VPS37C: variants seen among roughly 807,000 people sequenced by gnomAD.
VPS37C encodes VPS37C subunit of ESCRT-I.
Under a neutral mutation model 16.1 loss-of-function variants are expected in VPS37C, and 9 were observed. The ratio of observed to expected loss-of-function variants is 0.56; its 90% CI spans 0.34 to 0.97. The LOEUF (loss-of-function observed/expected upper bound fraction) is 0.97, where lower values mean the gene tolerates loss of function less well. VPS37C is among the 50% of genes least tolerant of loss of function. The probability of loss-of-function intolerance (pLI) is 0.02; values close to 1 mark genes in which losing one functional copy is unlikely to be tolerated. For missense variants in VPS37C, 479 were observed against 472.7 expected (o/e 1.01, Z -0.12); for synonymous variants, 207 against 206.4 (o/e 1.00, Z -0.02).
chr11:61,150,504 T>C (rs1196904023), intron 1 of VPS37C, among the ~76,000 whole-genome samples: 3 of 151,254 alleles, frequency 2.0e-5, no homozygotes, highest in African/African-American at 7.3e-5. Flanking sequence ...CCTCTGCCCA[T>C]TTGCCCAGTT....
intron 1 of VPS37C, among the ~76,000 whole-genome samples, chr11:61,147,116 T>C (rs1403231143): frequency 6.6e-6 from 1 of 152,148 alleles, no homozygotes; most frequent in Non-Finnish European, 1.5e-5. Context: ...GTGACCTGAA[T>C]TGATGCCATA....
At chr11:61,140,386 C>A (rs930545605) in intron 1 of VPS37C, among the ~76,000 whole-genome samples, 1 of 151,982 alleles carries the variant, frequency 6.6e-6, no homozygotes, top group Non-Finnish European at 1.5e-5. Flanking sequence ...ACCCTCCCCC[C>A]ACCCACTCAA....
chr11:61,159,894 T>G lies in VPS37C; in HGVS notation c.-7+1497A>C, dbSNP rs1590797714. Among the ~76,000 whole-genome samples the G allele has an allele frequency of 5.7e-5, 4 of 69,930 alleles. No individual in the cohort carries two copies. The Admixed American group carries it at 7.7e-4, about 13-fold the overall frequency. The allele number at this position is 69,930 out of a possible 152,430, so 45.9% of individuals were successfully genotyped here. On this transcript the variant is annotated intron_variant, in intron 1 of 4. Coordinates refer to ENST00000301765, the MANE Select transcript of VPS37C (RefSeq NM_017966.5). ...TCCAGCCTGGGCGACAGATCAAGAC[T>G]CCGTCTCAAAAAAAAAAAAAAAAAA...
chr11:61,147,997 T>C (rs1427535122), intron 1 of VPS37C, among the ~76,000 whole-genome samples: 3 of 152,170 alleles, frequency 2.0e-5, no homozygotes, highest in Non-Finnish European at 2.9e-5. Flanking sequence ...ATGATGATAA[T>C]CCCACCTTAG....
Position 61,147,392 on chromosome 11 carries a change from T to A in VPS37C, c.-6-8557A>T, listed in dbSNP as rs922272570. ...GTCTCAACTTCTTTCCATTACTTTA[T>A]ATCTTGACTAAATCGATCCCACAGG... On this transcript the variant is annotated intron_variant, in intron 1 of 4. Coordinates refer to ENST00000301765, the MANE Select transcript of VPS37C (RefSeq NM_017966.5). Among the ~76,000 whole-genome samples the A allele has an allele frequency of 1.3e-5, 2 of 152,156 alleles. 1 individual carries two copies. Among genetic ancestry groups the A allele is most frequent in the South Asian group, 4.1e-4 (2 of 4,834 alleles).
chr11:61,142,503 G>C (rs1861488980), intron 1 of VPS37C, among the ~76,000 whole-genome samples: 1 of 152,000 alleles, frequency 6.6e-6, no homozygotes, highest in Non-Finnish European at 1.5e-5. Context: ...CAAAGTGCTG[G>C]GATAACAGGT....
chr11:61,138,943 A>C, intron 1 of VPS37C, 108 bp from the exon 2 acceptor site: 1 of 1,002,098 alleles, frequency 1.0e-6, no homozygotes, highest in South Asian at 1.3e-5. Context: ...TCCTGCGATA[A>C]TACCACTCCA....
chr11:61,138,393 G>A (rs1861418198), intron 2 of VPS37C: 3 of 230,898 alleles, frequency 1.3e-5, no homozygotes, highest in Non-Finnish European at 2.6e-5. Flanking sequence ...GTCACCTGGA[G>A]ATATGGGATC....
intron 1 of VPS37C, among the ~76,000 whole-genome samples, chr11:61,140,522 C>T (rs1444789153): frequency 6.6e-6 from 1 of 152,208 alleles, no homozygotes; most frequent in African/African-American, 2.4e-5. Flanking sequence ...CAGGGATTGC[C>T]AAACTTCAGT....
chr11:61,142,690 G>A lies in VPS37C; in HGVS notation c.-6-3855C>T, dbSNP rs188160793. Among the ~76,000 whole-genome samples the A allele has an allele frequency of 2.7e-3, 408 of 151,612 alleles. 3 individuals carry two copies. The highest frequency in any genetic ancestry group is 4.0e-3 in the Non-Finnish European group (274 of 67,910). On this transcript the variant is annotated intron_variant, in intron 1 of 4. Coordinates refer to ENST00000301765, the MANE Select transcript of VPS37C (RefSeq NM_017966.5). Reference sequence around the variant, plus strand: ...GAAAATAATGTCTCAGAATGATTATGAAAACTACTCTAACCTCATGGATGG... The same window carrying A: ...GAAAATAATGTCTCAGAATGATTATAAAAACTACTCTAACCTCATGGATGG...
intron 2 of VPS37C, among the ~76,000 whole-genome samples, chr11:61,137,387 G>A (rs1161439038): frequency 6.6e-6 from 1 of 152,324 alleles, no homozygotes; most frequent in East Asian, 1.9e-4. Context: ...TGGGACAGGT[G>A]TGGCTGCACA....
At chr11:61,141,601 C>T (rs1861473264) in intron 1 of VPS37C, among the ~76,000 whole-genome samples, 1 of 152,168 alleles carries the variant, frequency 6.6e-6, no homozygotes, top group African/African-American at 2.4e-5. Context: ...CCCTGCCCCT[C>T]GCACAGGTGG....
intron 1 of VPS37C, among the ~76,000 whole-genome samples, chr11:61,159,315 G>A (rs1853426708): frequency 6.6e-6 from 1 of 152,172 alleles, no homozygotes; most frequent in Non-Finnish European, 1.5e-5. Context: ...CAGTGCATTT[G>A]TTAATAGATT....
In VPS37C at chr11:61,147,311, C is replaced by A. The variant is rs138264847; in HGVS notation, c.-6-8476G>T. On this transcript the variant is annotated intron_variant, in intron 1 of 4. Coordinates refer to ENST00000301765, the MANE Select transcript of VPS37C (RefSeq NM_017966.5). The stretch of plus-strand genomic sequence containing the variant: ...AGCTTTGCTATCAGAACCAAGGAAG[C>A]AGCATTTCTGGGTGCAGCCGGACCA... Among the ~76,000 whole-genome samples the A allele has an allele frequency of 4.0e-3, 614 of 152,332 alleles. 1 individual carries two copies. The highest frequency in any genetic ancestry group is 0.01 in the Middle Eastern group (3 of 294).
Position 61,156,078 on chromosome 11 carries a change from T to C in VPS37C, c.-7+5313A>G, listed in dbSNP as rs549248487. Among the ~76,000 whole-genome samples, 4 of 151,090 alleles carry C rather than the reference T, an allele frequency of 2.6e-5. No individual in the cohort carries two copies. The South Asian group carries it at 8.4e-4, about 32-fold the overall frequency. The stretch of plus-strand genomic sequence containing the variant: ...CCTTAAAGCAACCACTAAAAAGTGT[T>C]CGAATTAATGAACCAACAAAGGAAA... On this transcript the variant is annotated intron_variant, in intron 1 of 4. Coordinates refer to ENST00000301765, the MANE Select transcript of VPS37C (RefSeq NM_017966.5).
chr11:61,132,085 G>T lies in VPS37C; in HGVS notation c.803C>A (p.Pro268His), dbSNP rs1256275270. The T allele has an allele frequency of 2.1e-6, 3 of 1,400,544 alleles. No homozygotes were observed. In the East Asian group the frequency reaches 8.6e-5, roughly 40 times the overall value. 86.8% of individuals were successfully genotyped at this position (1,400,544 alleles called of 1,614,324 possible). A position where few individuals can be genotyped will look rare whatever the true frequency, so the allele number is the denominator to read the frequency against. The change falls in exon 5 of 5, where the codon CCC becomes CAC. Residue 268 changes from proline (P) to histidine (H), a missense_variant. Pro to His is a moderately conservative substitution (Grantham distance 77). Transcript: ENST00000301765. ...YSWSPQRSMP[P>H]RPGYPGTPMG... Reference sequence around the variant, plus strand: ...TGGGGTCCCAGGATAGCCCGGCCGGGGTGGCATGCTCCTCTGTGGGGACCA... The same window carrying T: ...TGGGGTCCCAGGATAGCCCGGCCGGTGTGGCATGCTCCTCTGTGGGGACCA...
intron 1 of VPS37C, among the ~76,000 whole-genome samples, chr11:61,149,019 C>G (rs1198769639): frequency 1.3e-5 from 2 of 152,240 alleles, no homozygotes; most frequent in African/African-American, 2.4e-5. Flanking sequence ...CGGTGGCTCA[C>G]GCCTGTAATC....
chr11:61,156,584 C>CA lies in VPS37C; in HGVS notation c.-7+4806dup, dbSNP rs558977189. ...TGGGCAACAGAAGGAGACTCTGTCT[C>CA]AAAAAAAAACAAAAACAAAAACACC... On this transcript the variant is annotated intron_variant, in intron 1 of 4. Coordinates refer to ENST00000301765, the MANE Select transcript of VPS37C (RefSeq NM_017966.5). 2.2e-3 allele frequency among the ~76,000 whole-genome samples: 333 copies of CA among 148,206 alleles called. 1 individual carries two copies. Among genetic ancestry groups the CA allele is most frequent in the Middle Eastern group, 0.01 (3 of 290 alleles).
rs748616227 is a variant in VPS37C, at chr11:61,134,115, G to C, written c.186C>G (p.Ile62Met). 1.2e-6 allele frequency: 2 copies of C among 1,614,048 alleles called. No homozygotes were observed. The highest frequency in any genetic ancestry group is 1.7e-6 in the Non-Finnish European group (2 of 1,180,002). ...ATCTATCCGAGAGGTTTGAGCGGCT[G>C]ATCTCCAGGGGACCCTGGAACTCCA... ...RNLEFQGPLE[I>M]SRSNLSDRYQ... The change falls in exon 3 of 5, where the codon ATC (isoleucine) becomes ATG (methionine). Residue 62 changes from isoleucine (I) to methionine (M), a missense_variant. Coordinates refer to ENST00000301765, the MANE Select transcript of VPS37C (RefSeq NM_017966.5).
Sources: gnomAD v4.1 joint callset for allele counts (sites outside exome capture counted in the v4.1 genomes callset) on GRCh38, gnomAD v4.1.1 for gene constraint, MANE v1.5 for transcripts, NCBI Gene and HGNC (gene_info 2026-07-23, HGNC 2026-07-21) for gene names.